BRAP: variants seen among roughly 807,000 people sequenced by gnomAD.
The protein encoded by BRAP is BRCA1 associated protein, also known as BRCA1-associated protein.
Under a neutral mutation model 73.4 loss-of-function variants are expected in BRAP, and 42 were observed. That is an observed-to-expected ratio of 0.57 (90% CI 0.45 to 0.74). The LOEUF is 0.74. BRAP is among the 30% of genes least tolerant of loss of function. The pLI is 0.00. For synonymous variants in BRAP, 255 were observed against 267.4 expected, an observed-to-expected ratio of 0.95 and a Z score of 0.45; for missense variants, 593 against 751.4, an observed-to-expected ratio of 0.79 and a Z score of 2.46.
Position 111,658,852 on chromosome 12 carries a change from A to G in BRAP, c.1112-7T>C, listed in dbSNP as rs1383620904. The G allele has an allele frequency of 1.3e-6, 2 of 1,588,804 alleles. No individual in the cohort carries two copies. The highest frequency in any genetic ancestry group is 2.2e-5 in the South Asian group (2 of 89,912). On this transcript the variant is annotated splice_polypyrimidine_tract_variant and splice_region_variant and intron_variant, in intron 8 of 11. Transcript: ENST00000419234. ...AGTCGATGAACATAGTTATCTACAG[A>G]AAGAGTCAACAAAAGTGTGTTTCTT...
chr12:111,674,560 A>G (rs951413703), intron 4 of BRAP, among the ~76,000 whole-genome samples: 13 of 152,106 alleles, frequency 8.5e-5, no homozygotes, highest in Non-Finnish European at 1.6e-4. Flanking sequence ...CTTTCTTAAC[A>G]TGACCAAGTG....
intron 4 of BRAP, among the ~76,000 whole-genome samples, chr12:111,677,405 G>A (rs746157967): frequency 5.9e-5 from 9 of 152,130 alleles, no homozygotes; most frequent in Non-Finnish European, 8.8e-5. Context: ...GAAGAGGAAC[G>A]CGTCCCTGGA....
chr12:111,651,718 A>C, intron 10 of BRAP, among the ~76,000 whole-genome samples: 1 of 144,616 alleles, frequency 6.9e-6, no homozygotes, highest in Non-Finnish European at 1.5e-5. Flanking sequence ...GCTCACTACA[A>C]CCTCCAACTC....
At chr12:111,673,483 A>T (rs928752796) in intron 4 of BRAP, among the ~76,000 whole-genome samples, 6 of 148,970 alleles carry the variant, frequency 4.0e-5, no homozygotes, top group Non-Finnish European at 7.4e-5. Context: ...TAGCCTGGGC[A>T]ACAAGAGCGA....
At chr12:111,674,920 T>G (rs1473890698) in intron 4 of BRAP, among the ~76,000 whole-genome samples, 1 of 152,158 alleles carries the variant, frequency 6.6e-6, no homozygotes, top group African/African-American at 2.4e-5. Context: ...GCACCACCAG[T>G]GGCTGGTAGA....
intron 6 of BRAP, among the ~76,000 whole-genome samples, chr12:111,663,409 C>T (rs1307130153): frequency 6.6e-6 from 1 of 152,172 alleles, no homozygotes; most frequent in African/African-American, 2.4e-5. Context: ...GCCGAGATCA[C>T]GCTACTGCAC....
chr12:111,681,490 G>T, intron 3 of BRAP, 147 bp downstream of exon 3: 1 of 600,130 alleles, frequency 1.7e-6, no homozygotes, highest in Non-Finnish European at 2.7e-6. Context: ...AAACATCTGA[G>T]AATTCTCTAA....
At chr12:111,656,548 C>T (rs1886541395) in intron 9 of BRAP, among the ~76,000 whole-genome samples, 1 of 152,076 alleles carries the variant, frequency 6.6e-6, no homozygotes, top group African/African-American at 2.4e-5. Flanking sequence ...AAGGTCACAT[C>T]TCCATTTTGG....
At chr12:111,683,414 G>C in intron 1 of BRAP, 107 bp from the exon 2 acceptor site, 1 of 1,313,834 alleles carries the variant, frequency 7.6e-7, no homozygotes, top group Non-Finnish European at 1.0e-6. Flanking sequence ...CTTCCGCCAA[G>C]ATGATAAGAA....
intron 1 of BRAP, 118 bp from the exon 2 acceptor site, chr12:111,683,425 G>A (rs1887680431): frequency 1.7e-6 from 2 of 1,191,850 alleles, no homozygotes; most frequent in Non-Finnish European, 2.3e-6. Context: ...ATGATAAGAA[G>A]CCTTTGTAGT....
chr12:111,674,895 T>A (rs1476120122), intron 4 of BRAP, among the ~76,000 whole-genome samples: 1 of 152,128 alleles, frequency 6.6e-6, no homozygotes, highest in East Asian at 1.9e-4. Context: ...TTCTCTCACC[T>A]CTTCAGAGCC....
At chr12:111,659,756 C>A (rs1056182975) in intron 7 of BRAP, among the ~76,000 whole-genome samples, 1 of 152,178 alleles carries the variant, frequency 6.6e-6, no homozygotes, top group African/African-American at 2.4e-5. Context: ...GTGGCTCACA[C>A]CTGTAATCCC....
intron 6 of BRAP, among the ~76,000 whole-genome samples, chr12:111,663,576 A>ATCTC (rs113750942): frequency 0.016 from 2,376 of 152,220 alleles, 74 homozygotes; most frequent in African/African-American, 0.054. Flanking sequence ...CTTCTCTGAC[A>ATCTC]TCTCTATCAA....
rs981171382 is a variant in BRAP at position 111,665,275 on chromosome 12, A to G, written c.896+364T>C. Among the ~76,000 whole-genome samples the G allele has an allele frequency of 3.3e-5, 5 of 152,176 alleles. No homozygotes were observed. Among genetic ancestry groups the G allele is most frequent in the African/African-American group, 4.8e-5 (2 of 41,448 alleles). ...ATATTAGGCTGCTGTAGCCCAGTTGATAAGAAGCCCAGAGTGAATGGCAGA... is the reference window on the plus strand; with the variant it reads ...ATATTAGGCTGCTGTAGCCCAGTTGGTAAGAAGCCCAGAGTGAATGGCAGA... On this transcript the variant is annotated intron_variant, in intron 6 of 11. Transcript: ENST00000419234. This position sits in a 1 kb window ranked among gnomAD's most constrained non-coding sequence, Gnocchi z 4.3.
intron 6 of BRAP, among the ~76,000 whole-genome samples, chr12:111,663,972 T>C (rs928305724): frequency 1.3e-5 from 2 of 152,128 alleles, no homozygotes; most frequent in Non-Finnish European, 1.5e-5. Flanking sequence ...GAAAAAATGG[T>C]CCCTGAGGAA....
At chr12:111,673,914 G>A (rs530987085) in intron 4 of BRAP, among the ~76,000 whole-genome samples, 7 of 152,314 alleles carry the variant, frequency 4.6e-5, no homozygotes, top group South Asian at 4.1e-4. Flanking sequence ...CAATGGAGAC[G>A]ATTCCAGTTT....
At chr12:111,673,259 C>T (rs1887244745) in intron 4 of BRAP, 2 of 153,110 alleles carry the variant, frequency 1.3e-5, no homozygotes, top group Non-Finnish European at 2.9e-5. Flanking sequence ...AATCCCAGCG[C>T]TTTGGGAGGC....
intron 5 of BRAP, among the ~76,000 whole-genome samples, chr12:111,669,147 G>A (rs987561205): frequency 6.6e-6 from 1 of 152,094 alleles, no homozygotes; most frequent in Non-Finnish European, 1.5e-5. Context: ...GCTGTTCCTG[G>A]GAGCCAGACA....
intron 7 of BRAP, 144 bp downstream of exon 7, chr12:111,660,456 C>T: frequency 4.9e-6 from 3 of 609,992 alleles, no homozygotes; most frequent in Non-Finnish European, 7.0e-6. Context: ...TCGAGACCAG[C>T]CTGGGCAACA....
Sources: gnomAD v4.1 joint callset for allele counts (sites outside exome capture counted in the v4.1 genomes callset) on GRCh38, gnomAD v4.1.1 for gene constraint, Gnocchi (gnomAD v3.1) non-coding constraint, MANE v1.5 for transcripts, NCBI Gene and HGNC (gene_info 2026-07-23, HGNC 2026-07-21) for gene names.